Variants in TMEM229B observed in about 807,000 individuals in gnomAD.
The protein encoded by TMEM229B is chromosome 14 open reading frame 83.
Under a neutral mutation model 13.7 loss-of-function variants are expected in TMEM229B, and 6 were observed. The observed-to-expected ratio is 0.44, with a 90% CI of 0.24 to 0.86. TMEM229B has a LOEUF of 0.86. TMEM229B is among the 40% of genes least tolerant of loss of function. The probability of loss-of-function intolerance (pLI) is 0.23; values close to 1 mark genes in which losing one functional copy is unlikely to be tolerated. For missense variants in TMEM229B, 170 were observed against 236.0 expected (o/e 0.72, Z 1.83); for synonymous variants, 107 against 102.1 (o/e 1.05, Z -0.29).
intron 1 of TMEM229B, among the ~76,000 whole-genome samples, chr14:67,511,751 C>A (rs544957315): frequency 1.1e-4 from 17 of 152,182 alleles, no homozygotes; most frequent in Non-Finnish European, 2.2e-4. Context: ...TACATTTATA[C>A]ATAGGGGAAC....
At chr14:67,523,793 C>T (rs1367648381) in intron 1 of TMEM229B, among the ~76,000 whole-genome samples, 1 of 152,188 alleles carries the variant, frequency 6.6e-6, no homozygotes. Context: ...TTAGGTCCCT[C>T]AGCAAAGAAC....
chr14:67,524,798 C>T (rs898614120), intron 1 of TMEM229B, among the ~76,000 whole-genome samples: 38 of 152,262 alleles, frequency 2.5e-4, no homozygotes, highest in African/African-American at 8.4e-4. Flanking sequence ...TAATAGGGAT[C>T]CAGATAATAT....
At chr14:67,511,360 A>T (rs4992247) in intron 1 of TMEM229B, among the ~76,000 whole-genome samples, 8 of 119,048 alleles carry the variant, frequency 6.7e-5, no homozygotes, top group South Asian at 2.8e-4. Flanking sequence ...AAAACAAAAA[A>T]ACAAAAAAAA....
intron 2 of TMEM229B, among the ~76,000 whole-genome samples, chr14:67,485,431 T>A (rs1250311026): frequency 6.6e-6 from 1 of 151,990 alleles, no homozygotes; most frequent in Non-Finnish European, 1.5e-5. Flanking sequence ...ACTAGGAGAG[T>A]CAAGATCTAC....
At chr14:67,487,992 T>G (rs2031974817) in intron 1 of TMEM229B, among the ~76,000 whole-genome samples, 1 of 152,244 alleles carries the variant, frequency 6.6e-6, no homozygotes, top group Non-Finnish European at 1.5e-5. Context: ...TCCAACATTT[T>G]TTGTTTTAAT....
At chr14:67,496,393 T>TTTTTG (rs2032372406) in intron 1 of TMEM229B, among the ~76,000 whole-genome samples, 3 of 58,142 alleles carry the variant, frequency 5.2e-5, no homozygotes, top group Non-Finnish European at 1.0e-4. Context: ...GCTCCGGCGT[T>TTTTTG]TTTTTTTTTT....
intron 1 of TMEM229B, among the ~76,000 whole-genome samples, chr14:67,504,067 G>A (rs1376397548): frequency 3.4e-5 from 5 of 145,692 alleles, no homozygotes; most frequent in East Asian, 2.1e-4. Context: ...AGGCTGGAGT[G>A]CAGTCGTGCG....
At chr14:67,507,212 T>C (rs572005396) in intron 1 of TMEM229B, among the ~76,000 whole-genome samples, 64 of 151,900 alleles carry the variant, frequency 4.2e-4, no homozygotes, top group Non-Finnish European at 9.0e-4. Flanking sequence ...GGTGCTAATA[T>C]AGGTGGTGCA....
At chr14:67,507,214 G>C (rs2032859962) in intron 1 of TMEM229B, among the ~76,000 whole-genome samples, 1 of 151,924 alleles carries the variant, frequency 6.6e-6, no homozygotes, top group African/African-American at 2.4e-5. Flanking sequence ...TGCTAATATA[G>C]GTGGTGCAAC....
upstream of TMEM229B, among the ~76,000 whole-genome samples, chr14:67,491,800 G>C (rs2032179978): frequency 6.6e-6 from 1 of 152,198 alleles, no homozygotes; most frequent in Non-Finnish European, 1.5e-5. Context: ...GAGGGGCCAA[G>C]CTCAACTACA....
Position 67,473,503 on chromosome 14 carries a change from G to C in TMEM229B, c.421C>G (p.Arg141Gly). Reference sequence around the variant, plus strand: ...TCAGCGTCCTTGTCGAAGCGGAGGCGGAGGGTGTTGCGGATGATGAACTGC... The same window carrying C: ...TCAGCGTCCTTGTCGAAGCGGAGGCCGAGGGTGTTGCGGATGATGAACTGC... The part of the protein sequence containing the change: ...MEQFIIRNTL[R>G]LRFDKDAEPG... Residue 141 changes from arginine (R) to glycine (G), a missense_variant, in exon 3 of 3, where the codon CGC becomes GGC. Physicochemically the swap from Arg to Gly is moderately radical, Grantham distance 125. Around this residue, in one of 4 missense-constraint regions of TMEM229B, gnomAD observed 70 missense variants for 60.9 expected, o/e 1.15. Coordinates refer to ENST00000554480, the MANE Select transcript of TMEM229B (RefSeq NM_001348543.2). The surrounding 1 kb of genome is among the most constrained non-coding windows in gnomAD (Gnocchi z 6.5). 6.2e-7 allele frequency: 1 copy of C among 1,614,182 alleles called. No homozygotes were observed.
intron 1 of TMEM229B, among the ~76,000 whole-genome samples, chr14:67,498,420 C>A (rs548303046): frequency 1.3e-5 from 2 of 152,314 alleles, no homozygotes; most frequent in South Asian, 4.1e-4. Context: ...TTTGCTTTGA[C>A]CCCTACAGTA....
chr14:67,473,108 G>A lies in TMEM229B; in HGVS notation c.*312C>T. 2.7e-6 allele frequency: 1 copy of A among 363,902 alleles called. No individual in the cohort carries two copies. The allele number at this position is 363,902 out of a possible 1,614,324, so 22.5% of individuals were successfully genotyped here. A position where few individuals can be genotyped will look rare whatever the true frequency, so the allele number is the denominator to read the frequency against. On this transcript the variant is annotated 3_prime_UTR_variant, in exon 3 of 3. Transcript: ENST00000554480. The surrounding 1 kb of genome is among the most constrained non-coding windows in gnomAD (Gnocchi z 6.5). ...TTGTCCCTTGGCCAGGACAGGGCCT[G>A]CTGCTTCCAAAGTCAACTACATAGT...
At chr14:67,512,591 G>T (rs2033062801) in intron 1 of TMEM229B, among the ~76,000 whole-genome samples, 1 of 152,148 alleles carries the variant, frequency 6.6e-6, no homozygotes, top group Non-Finnish European at 1.5e-5. Flanking sequence ...CTCTGGGAGG[G>T]TTAGCTATCC....
intron 1 of TMEM229B, among the ~76,000 whole-genome samples, chr14:67,498,678 C>A (rs915258249): frequency 6.6e-6 from 1 of 152,084 alleles, no homozygotes; most frequent in East Asian, 1.9e-4. Flanking sequence ...GTTGGTTTTC[C>A]TTTTTAAGAC....
At position 67,482,637 on chromosome 14, in the gene TMEM229B, G is replaced by A. The variant is rs1299507386; in HGVS notation, c.-19+4363C>T. 4.6e-5 allele frequency among the ~76,000 whole-genome samples: 7 copies of A among 152,342 alleles called. No individual in the cohort carries two copies. The East Asian group carries it at 1.4e-3, about 29-fold the overall frequency. Reference sequence around the variant, plus strand: ...TTCAGGAGCCCTTGGGCGGCTCTGTGCTGAAGATAAGTGGCTTCAATGAGG... The same window carrying A: ...TTCAGGAGCCCTTGGGCGGCTCTGTACTGAAGATAAGTGGCTTCAATGAGG... On this transcript the variant is annotated intron_variant, in intron 2 of 2. Coordinates refer to ENST00000554480, the MANE Select transcript of TMEM229B (RefSeq NM_001348543.2).
At chr14:67,517,630 G>C (rs1430301116), upstream of TMEM229B, among the ~76,000 whole-genome samples, 1 of 152,164 alleles carries the variant, frequency 6.6e-6, no homozygotes, top group Non-Finnish European at 1.5e-5. Flanking sequence ...ACTTTCTCCA[G>C]CTCTCCAGTG....
At chr14:67,521,098 C>G (rs755751987) in intron 1 of TMEM229B, among the ~76,000 whole-genome samples, 1 of 152,156 alleles carries the variant, frequency 6.6e-6, no homozygotes. Context: ...AAGAAAGCAG[C>G]AAGAGGCTCT....
intron 1 of TMEM229B, among the ~76,000 whole-genome samples, chr14:67,496,193 T>C (rs765230593): frequency 2.6e-5 from 4 of 152,082 alleles, no homozygotes; most frequent in Non-Finnish European, 5.9e-5. Flanking sequence ...TATGTCTTAT[T>C]ATTATTTTTA....
Sources: allele counts gnomAD v4.1 joint callset (sites outside exome capture counted in the v4.1 genomes callset), GRCh38; gene constraint gnomAD v4.1.1; regional missense constraint gnomAD v4.1.1; non-coding constraint Gnocchi (gnomAD v3.1); transcripts MANE v1.5; gene names NCBI Gene and HGNC (gene_info 2026-07-23, HGNC 2026-07-21).